The following RAB22A variants were observed in gnomAD, a reference collection of about 807,000 sequenced individuals.
RAB22A encodes the protein ras-related protein Rab-22A.
In RAB22A, 13 loss-of-function variants were observed where a neutral mutation model predicts 30.2. That is an observed-to-expected ratio of 0.43 (90% CI 0.28 to 0.68). The LOEUF (loss-of-function observed/expected upper bound fraction) is 0.68, where lower values mean the gene tolerates loss of function less well. Among genes scored for constraint, RAB22A ranks in the 30% least tolerant of loss-of-function variants. The pLI, the probability that RAB22A is intolerant of heterozygous loss-of-function variation, is 0.18. For synonymous variants in RAB22A, 89 were observed against 87.2 expected (o/e 1.02, Z -0.11); for missense variants, 177 against 246.8 (o/e 0.72, Z 1.89).
At position 58,365,112 on chromosome 20, in the gene RAB22A, T is replaced by G. The variant is rs1042902909; in HGVS notation, c.*5409T>G. 2.6e-5 allele frequency: 4 copies of G among 152,200 alleles called. No homozygotes were observed. Among genetic ancestry groups the G allele is most frequent in the Non-Finnish European group, 4.4e-5 (3 of 68,038 alleles). 9.4% of individuals were successfully genotyped at this position (152,200 alleles called of 1,614,324 possible). ...CATTAATATTATAACAAACAAAACATGCCAGTTTTACTGATTCCGCTTTTT... is the reference window on the plus strand; with the variant it reads ...CATTAATATTATAACAAACAAAACAGGCCAGTTTTACTGATTCCGCTTTTT... On this transcript the variant is annotated 3_prime_UTR_variant, in exon 7 of 7. Coordinates refer to ENST00000244040, the MANE Select transcript of RAB22A (RefSeq NM_020673.3).
At chr20:58,333,669 T>C (rs763653472) in intron 2 of RAB22A, among the ~76,000 whole-genome samples, 3 of 152,142 alleles carry the variant, frequency 2.0e-5, no homozygotes, top group Admixed American at 1.3e-4. Context: ...TGGAAGTAGA[T>C]TGAAATTTAA....
At chr20:58,318,007 G>T (rs1986377754) in intron 2 of RAB22A, among the ~76,000 whole-genome samples, 1 of 152,012 alleles carries the variant, frequency 6.6e-6, no homozygotes, top group Non-Finnish European at 1.5e-5. Flanking sequence ...AATAGCACGA[G>T]CAGTACGCAT....
intron 3 of RAB22A, among the ~76,000 whole-genome samples, chr20:58,349,619 C>A (rs1236873587): frequency 1.3e-5 from 2 of 152,224 alleles, no homozygotes; most frequent in Admixed American, 1.3e-4. Context: ...TCCAATCCTG[C>A]TGTGTTACAG....
chr20:58,344,988 A>G (rs1264220143), intron 3 of RAB22A, among the ~76,000 whole-genome samples: 1 of 152,156 alleles, frequency 6.6e-6, no homozygotes, highest in Non-Finnish European at 1.5e-5. Flanking sequence ...TGGAGCATTT[A>G]GGACAGCTGG....
chr20:58,349,837 C>T (rs926990559), intron 3 of RAB22A, among the ~76,000 whole-genome samples: 4 of 152,234 alleles, frequency 2.6e-5, no homozygotes, highest in South Asian at 2.1e-4. Flanking sequence ...AGTGGACAGT[C>T]AGCACTACTA....
chr20:58,327,394 A>G (rs1352987779), intron 2 of RAB22A, among the ~76,000 whole-genome samples: 2 of 152,212 alleles, frequency 1.3e-5, no homozygotes, highest in African/African-American at 2.4e-5. Flanking sequence ...GCAGGGCTGC[A>G]GTTATCTGAA....
intron 2 of RAB22A, among the ~76,000 whole-genome samples, chr20:58,330,552 C>T (rs1019462820): frequency 9.2e-5 from 14 of 151,912 alleles, no homozygotes; most frequent in Non-Finnish European, 2.1e-4. Flanking sequence ...TTTAGATTTT[C>T]GTATCTTCCA....
At chr20:58,330,178 C>A (rs549136081) in intron 2 of RAB22A, among the ~76,000 whole-genome samples, 1 of 152,176 alleles carries the variant, frequency 6.6e-6, no homozygotes, top group South Asian at 2.1e-4. Flanking sequence ...AATTTTTATT[C>A]GTGGGGGGTC....
intron 5 of RAB22A, 53 bp from the exon 6 acceptor site, chr20:58,354,103 A>G (rs1036409733): frequency 1.5e-6 from 2 of 1,335,098 alleles, no homozygotes; most frequent in African/African-American, 1.5e-5. Flanking sequence ...AGGTGGGGGT[A>G]CAACTAAGAT....
chr20:58,322,340 C>G (rs1454435902), intron 2 of RAB22A, among the ~76,000 whole-genome samples: 1 of 152,162 alleles, frequency 6.6e-6, no homozygotes, highest in African/African-American at 2.4e-5. Flanking sequence ...ACAGTCTCTG[C>G]CTTTTAATTA....
intron 2 of RAB22A, among the ~76,000 whole-genome samples, chr20:58,335,324 A>G (rs1277777563): frequency 6.6e-6 from 1 of 152,212 alleles, no homozygotes; most frequent in Non-Finnish European, 1.5e-5. Flanking sequence ...ATAAACTCAC[A>G]TCATTTCTAA....
At chr20:58,358,883 G>T (rs1987177246) in intron 6 of RAB22A, among the ~76,000 whole-genome samples, 1 of 147,494 alleles carries the variant, frequency 6.8e-6, no homozygotes, top group African/African-American at 2.5e-5. Flanking sequence ...TGACAGAGCC[G>T]ATAGCCTGTC....
chr20:58,351,441 T>C (rs530191482), intron 3 of RAB22A, among the ~76,000 whole-genome samples: 2 of 151,928 alleles, frequency 1.3e-5, no homozygotes, highest in East Asian at 1.9e-4. Flanking sequence ...GAAGTTAATA[T>C]ACTAAAATTG....
chr20:58,336,058 G>A (rs983794950), intron 2 of RAB22A, among the ~76,000 whole-genome samples: 1 of 152,126 alleles, frequency 6.6e-6, no homozygotes, highest in Non-Finnish European at 1.5e-5. Context: ...CGCCCAGGGT[G>A]GAGTGCAGTG....
chr20:58,345,607 G>C (rs1986932652), intron 3 of RAB22A: 1 of 152,338 alleles, frequency 6.6e-6, no homozygotes, highest in South Asian at 2.1e-4. Flanking sequence ...ACACACTCCA[G>C]CCAGTTGTTG....
rs1367767566 is a variant in RAB22A, at chr20:58,362,795, ATGT to A, written c.*3097_*3099del. The A allele has an allele frequency of 5.3e-5, 8 of 152,166 alleles. No individual in the cohort carries two copies. Among genetic ancestry groups the A allele is most frequent in the East Asian group, 1.9e-4 (1 of 5,194 alleles). The allele number at this position is 152,166 out of a possible 1,614,324, so 9.4% of individuals were successfully genotyped here. On this transcript the variant is annotated 3_prime_UTR_variant, in exon 7 of 7. Coordinates refer to ENST00000244040, the MANE Select transcript of RAB22A (RefSeq NM_020673.3). ...CTTATTTTCTTGTGACCCGTTTATG[ATGT>A]TGTTTGAAGTCCCTGTTTCCCATTG... is the stretch of plus-strand genomic sequence containing the variant.
intron 2 of RAB22A, among the ~76,000 whole-genome samples, chr20:58,329,503 T>C (rs568822305): frequency 6.6e-6 from 1 of 152,362 alleles, no homozygotes; most frequent in African/African-American, 2.4e-5. Context: ...CTATATGTAA[T>C]GCCTTTTCAT....
At chr20:58,316,626 T>G (rs1391282421) in intron 2 of RAB22A, among the ~76,000 whole-genome samples, 1 of 152,180 alleles carries the variant, frequency 6.6e-6, no homozygotes, top group Non-Finnish European at 1.5e-5. Flanking sequence ...GAGTAGAAGA[T>G]TGGCTCCCTG....
intron 2 of RAB22A, among the ~76,000 whole-genome samples, chr20:58,312,142 A>G (rs1986239517): frequency 6.6e-6 from 1 of 151,900 alleles, no homozygotes; most frequent in East Asian, 1.9e-4. Context: ...TTTAGTAGAG[A>G]CAAGGTCTCA....
Sources: allele counts gnomAD v4.1 joint callset (sites outside exome capture counted in the v4.1 genomes callset), GRCh38; gene constraint gnomAD v4.1.1; transcripts MANE v1.5; gene names NCBI Gene and HGNC (gene_info 2026-07-23, HGNC 2026-07-21).